OSBPL6: variants seen among roughly 807,000 people sequenced by gnomAD.
OSBPL6 encodes oxysterol binding protein like 6.
A neutral mutation model predicts 125.8 loss-of-function variants in OSBPL6; 49 were observed. The ratio of observed to expected loss-of-function variants is 0.39; its 90% CI spans 0.31 to 0.49. The LOEUF (loss-of-function observed/expected upper bound fraction) is 0.49. Ranked by LOEUF, OSBPL6 falls within the 20% of genes least tolerant of loss-of-function variation. The pLI, the probability that OSBPL6 is intolerant of heterozygous loss-of-function variation, is 0.88. For missense variants in OSBPL6, 986 were observed against 1,135.4 expected (o/e 0.87, Z 1.89); for synonymous variants, 394 against 391.8 (o/e 1.01, Z -0.07).
chr2:178,376,298 G>A (rs753908398), intron 15 of OSBPL6, among the ~76,000 whole-genome samples: 3 of 151,828 alleles, frequency 2.0e-5, no homozygotes, highest in African/African-American at 4.8e-5. Flanking sequence ...CTCTCATATC[G>A]CCTATCTAAG....
intron 1 of OSBPL6, among the ~76,000 whole-genome samples, chr2:178,263,838 C>T (rs541254406): frequency 3.3e-5 from 4 of 121,586 alleles, no homozygotes; most frequent in Non-Finnish European, 7.1e-5. Context: ...TGTGTGTGTG[C>T]GTGTACACAG....
intron 2 of OSBPL6, among the ~76,000 whole-genome samples, chr2:178,293,755 C>T (rs912085086): frequency 4.6e-5 from 7 of 151,878 alleles, no homozygotes; most frequent in Non-Finnish European, 1.0e-4. Context: ...ATTTTTTGTA[C>T]CCATTAATCA....
chr2:178,375,485 C>T (rs1017306079), intron 15 of OSBPL6, among the ~76,000 whole-genome samples: 7 of 152,074 alleles, frequency 4.6e-5, no homozygotes, highest in African/African-American at 1.4e-4. Context: ...GGCAGTGGCG[C>T]AATCTTGGCT....
In OSBPL6 at chr2:178,306,278, A is replaced by G. The variant is rs750595585; in HGVS notation, c.94A>G (p.Ser32Gly). The change falls in exon 3 of 25, where the codon AGT (serine) becomes GGT (glycine). Residue 32 changes from serine (S) to glycine (G), a missense_variant. Physicochemically the swap from Ser to Gly is moderately conservative, Grantham distance 56 (BLOSUM62 0). Transcript: ENST00000190611. Reference protein sequence around the residue: ...ASSSTSSQRDSRQSIHILERT... With the variant: ...ASSSTSSQRDGRQSIHILERT... ...CTCTTCAACATCCTCCCAAAGGGAC[A>G]GTAGGCAGGTAAGAGAAGAGCATTA... 2 of 1,606,496 alleles carry G rather than the reference A, an allele frequency of 1.2e-6. No homozygotes were observed. Among genetic ancestry groups the G allele is most frequent in the Non-Finnish European group, 1.7e-6 (2 of 1,173,218 alleles).
At chr2:178,334,719 G>A (rs866916491) in intron 8 of OSBPL6, among the ~76,000 whole-genome samples, 1 of 151,952 alleles carries the variant, frequency 6.6e-6, no homozygotes, top group Non-Finnish European at 1.5e-5. Flanking sequence ...ACAGGGTTTC[G>A]CCATGTTGGC....
chr2:178,284,812 C>A, intron 1 of OSBPL6, 115 bp from the exon 2 acceptor site: 1 of 381,274 alleles, frequency 2.6e-6, no homozygotes. Flanking sequence ...ATATGAACTT[C>A]CTGTTCAAAA....
chr2:178,197,417 G>A (rs2088965576), intron 1 of OSBPL6, among the ~76,000 whole-genome samples: 1 of 152,138 alleles, frequency 6.6e-6, no homozygotes, highest in Admixed American at 6.5e-5. Flanking sequence ...TAATGACCTA[G>A]TCCTTGGGTT....
At chr2:178,214,184 C>T (rs1414537789) in intron 1 of OSBPL6, among the ~76,000 whole-genome samples, 4 of 152,088 alleles carry the variant, frequency 2.6e-5, no homozygotes, top group African/African-American at 9.7e-5. Flanking sequence ...TGGACAGAAG[C>T]CGTGGCATAT....
chr2:178,296,738 C>T (rs2154051571), intron 2 of OSBPL6, among the ~76,000 whole-genome samples: 1 of 152,196 alleles, frequency 6.6e-6, no homozygotes, highest in South Asian at 2.1e-4. Context: ...CCAAGGTTAC[C>T]ACACTCCAAT....
intron 12 of OSBPL6, 33 bp downstream of exon 12, chr2:178,349,422 GCTCT>G: frequency 6.3e-7 from 1 of 1,595,888 alleles, no homozygotes; most frequent in Non-Finnish European, 8.6e-7. Flanking sequence ...CTTTAAAGAA[GCTCT>G]CTTCTTTGAT....
At chr2:178,269,975 A>G (rs1039443303) in intron 1 of OSBPL6, among the ~76,000 whole-genome samples, 11 of 152,146 alleles carry the variant, frequency 7.2e-5, no homozygotes, top group African/African-American at 2.4e-4. Context: ...TTGCTTTACT[A>G]CTGCTGCAGA....
intron 22 of OSBPL6, 49 bp from the exon 23 acceptor site, chr2:178,392,363 G>A: frequency 6.2e-7 from 1 of 1,604,248 alleles, no homozygotes; most frequent in Non-Finnish European, 8.5e-7. Flanking sequence ...GCTTCTTCCA[G>A]TTCCATAAAC....
At chr2:178,275,752 G>A (rs1433372731) in intron 1 of OSBPL6, among the ~76,000 whole-genome samples, 1 of 151,724 alleles carries the variant, frequency 6.6e-6, no homozygotes, top group Non-Finnish European at 1.5e-5. Context: ...AAAAAAAGAG[G>A]AACCAGTAAA....
chr2:178,325,695 A>C (rs912800038), intron 4 of OSBPL6, among the ~76,000 whole-genome samples: 5 of 152,208 alleles, frequency 3.3e-5, no homozygotes, highest in Non-Finnish European at 5.9e-5. Flanking sequence ...TATCTCACTT[A>C]ATCAGCCCCC....
In OSBPL6 at chr2:178,395,716, A is replaced by C. The variant is rs1391012668; in HGVS notation, c.*157A>C. 2.0e-6 allele frequency: 1 copy of C among 511,342 alleles called. No individual in the cohort carries two copies. 31.7% of individuals were successfully genotyped at this position (511,342 alleles called of 1,614,324 possible). A position where few individuals can be genotyped will look rare whatever the true frequency, so the allele number is the denominator to read the frequency against. On this transcript the variant is annotated 3_prime_UTR_variant, in exon 25 of 25. Coordinates refer to ENST00000190611, the MANE Select transcript of OSBPL6 (RefSeq NM_032523.4). ...TATAATGGACTTTCAGAAGTGCATTAGACAAGGCCCCTAACCACTTTGGGA... is the reference window on the plus strand; with the variant it reads ...TATAATGGACTTTCAGAAGTGCATTCGACAAGGCCCCTAACCACTTTGGGA...
chr2:178,301,047 AT>A (rs1359464837), intron 2 of OSBPL6, among the ~76,000 whole-genome samples: 6 of 152,250 alleles, frequency 3.9e-5, no homozygotes, highest in Non-Finnish European at 7.4e-5. Context: ...GAAATTGGAA[AT>A]ACTTCACTAA....
At chr2:178,288,933 A>G (rs1274803742) in intron 2 of OSBPL6, among the ~76,000 whole-genome samples, 1 of 151,416 alleles carries the variant, frequency 6.6e-6, no homozygotes, top group Non-Finnish European at 1.5e-5. Flanking sequence ...TACAGGTGTG[A>G]GCCACCGTGC....
At chr2:178,240,871 G>A (rs939844521) in intron 1 of OSBPL6, among the ~76,000 whole-genome samples, 4 of 152,194 alleles carry the variant, frequency 2.6e-5, no homozygotes, top group Admixed American at 2.6e-4. Flanking sequence ...ATTGTCCCCA[G>A]GGGCCTATTC....
intron 3 of OSBPL6, among the ~76,000 whole-genome samples, chr2:178,317,352 G>C (rs1261172034): frequency 6.7e-6 from 1 of 149,644 alleles, no homozygotes; most frequent in Non-Finnish European, 1.5e-5. Flanking sequence ...GAGGCATGAG[G>C]TGGGTCACCT....
Sources: gnomAD v4.1 joint callset for allele counts (sites outside exome capture counted in the v4.1 genomes callset) on GRCh38, gnomAD v4.1.1 for gene constraint, MANE v1.5 for transcripts, NCBI Gene and HGNC (gene_info 2026-07-23, HGNC 2026-07-21) for gene names.